HBS1L: variants seen among roughly 807,000 people sequenced by gnomAD.
The protein encoded by HBS1L is HBS1 like translational GTPase.
HBS1L carries 55 observed loss-of-function variants against 88.9 expected under a neutral mutation model. That is an observed-to-expected ratio of 0.62 (90% CI 0.50 to 0.77). The LOEUF (loss-of-function observed/expected upper bound fraction) is 0.77, where lower values mean the gene tolerates loss of function less well. HBS1L is among the 30% of genes least tolerant of loss of function. The pLI is 0.00. For missense variants in HBS1L, 741 were observed against 829.3 expected, an observed-to-expected ratio of 0.89 and a Z score of 1.31; for synonymous variants, 267 against 288.5, an observed-to-expected ratio of 0.93 and a Z score of 0.76.
rs34343700 is a variant in HBS1L at position 135,024,549 on chromosome 6, G to GT, written c.430+15023dup. ...TACTCAGTTTTATACTCTTGGGGGT[G>GT]TTTTTTTTTTTTCTTGGTAGGTTTA... On this transcript the variant is annotated intron_variant, in intron 4 of 17. Transcript: ENST00000367837. Among the ~76,000 whole-genome samples, 76 of 143,642 alleles carry GT rather than the reference G, an allele frequency of 5.3e-4. 1 individual carries two copies. The highest frequency in any genetic ancestry group is 3.7e-3 in the Middle Eastern group (1 of 268). The allele number at this position is 143,642 out of a possible 152,430, so 94.2% of individuals were successfully genotyped here.
intron 4 of HBS1L, chr6:135,027,233 TAACAG>T: frequency 7.8e-6 from 1 of 128,956 alleles, no homozygotes; most frequent in African/African-American, 2.9e-5. Context: ...AAAAAATAGC[TAACAG>T]AAAAGTATTG....
At chr6:134,995,206 C>T (rs1046338441) in intron 7 of HBS1L, among the ~76,000 whole-genome samples, 1 of 151,984 alleles carries the variant, frequency 6.6e-6, no homozygotes, top group Non-Finnish European at 1.5e-5. Flanking sequence ...AATTTGTAAC[C>T]CTAAGGATAT....
intron 9 of HBS1L, 67 bp from the exon 10 acceptor site, chr6:134,986,877 GCAATGAAATAT>G: frequency 1.5e-6 from 1 of 687,716 alleles, no homozygotes; most frequent in African/African-American, 1.9e-5. Context: ...TTAAATTTCT[GCAATGAAATAT>G]AATCAAGACT....
chr6:135,014,134 C>G (rs919909538), intron 4 of HBS1L, among the ~76,000 whole-genome samples: 3 of 151,990 alleles, frequency 2.0e-5, no homozygotes, highest in African/African-American at 7.3e-5. Context: ...GATTTTCTGC[C>G]AAGAAAGAAA....
chr6:135,033,586 C>T (rs1776447739), intron 4 of HBS1L, among the ~76,000 whole-genome samples: 1 of 152,156 alleles, frequency 6.6e-6, no homozygotes, highest in African/African-American at 2.4e-5. Context: ...CCTTCTCTTA[C>T]CACCCTATAA....
intron 4 of HBS1L, among the ~76,000 whole-genome samples, chr6:135,026,170 T>C (rs1200727952): frequency 6.6e-6 from 1 of 152,194 alleles, no homozygotes; most frequent in African/African-American, 2.4e-5. Context: ...AAAAAATAAT[T>C]GTTTAAAAGC....
intron 4 of HBS1L, chr6:135,036,506 T>C (rs1313747233): frequency 7.1e-7 from 1 of 1,405,914 alleles, no homozygotes; most frequent in East Asian, 2.6e-5. Flanking sequence ...CTCTGAAGAC[T>C]TTAATTAAAA....
intron 12 of HBS1L, chr6:134,983,390 G>A (rs949966271): frequency 1.3e-5 from 2 of 152,076 alleles, no homozygotes; most frequent in Non-Finnish European, 2.9e-5. Flanking sequence ...ACTACAGAAA[G>A]GGAATAAACT....
chr6:135,035,460 G>A (rs1472385287), intron 4 of HBS1L, among the ~76,000 whole-genome samples: 1 of 150,150 alleles, frequency 6.7e-6, no homozygotes, highest in African/African-American at 2.5e-5. Flanking sequence ...ATAAGAACAG[G>A]CCGGGTGCAG....
intron 4 of HBS1L, among the ~76,000 whole-genome samples, chr6:135,025,167 C>T (rs572575388): frequency 5.3e-5 from 8 of 152,122 alleles, no homozygotes; most frequent in Admixed American, 4.6e-4. Flanking sequence ...CCCATTTTCC[C>T]GAAAGAGAGC....
chr6:134,987,341 G>A (rs1168332641), intron 9 of HBS1L, among the ~76,000 whole-genome samples: 1 of 151,884 alleles, frequency 6.6e-6, no homozygotes, highest in Non-Finnish European at 1.5e-5. Flanking sequence ...TGGGTGGGAA[G>A]GAGAATTGGT....
chr6:135,037,001 T>G, intron 4 of HBS1L: 1 of 1,551,448 alleles, frequency 6.4e-7, no homozygotes, highest in Non-Finnish European at 8.7e-7. Context: ...TTTGAATCTA[T>G]TCCAGGAGAC....
At chr6:135,045,056 AG>A (rs762519869) in intron 2 of HBS1L, among the ~76,000 whole-genome samples, 7 of 142,690 alleles carry the variant, frequency 4.9e-5, no homozygotes, top group East Asian at 2.2e-4. Flanking sequence ...GGATTTGCAA[AG>A]GGTGGGTGGG....
At chr6:135,018,941 T>A (rs575966566) in intron 4 of HBS1L, among the ~76,000 whole-genome samples, 6 of 152,076 alleles carry the variant, frequency 3.9e-5, no homozygotes, top group African/African-American at 1.4e-4. Context: ...CATTAATTCT[T>A]CTGTCCTAAG....
chr6:135,004,888 G>T (rs533715836), intron 4 of HBS1L, among the ~76,000 whole-genome samples: 1 of 152,294 alleles, frequency 6.6e-6, no homozygotes, highest in Non-Finnish European at 1.5e-5. Flanking sequence ...CCAAGGGAGA[G>T]AGCACAGAGA....
chr6:135,044,961 G>A (rs1441448634), intron 2 of HBS1L, among the ~76,000 whole-genome samples: 1 of 151,974 alleles, frequency 6.6e-6, no homozygotes, highest in Admixed American at 6.6e-5. Flanking sequence ...GGTCGAGGGT[G>A]GTCCTATACG....
At chr6:135,040,979 A>C (rs1196528452) in intron 3 of HBS1L, among the ~76,000 whole-genome samples, 3 of 152,176 alleles carry the variant, frequency 2.0e-5, no homozygotes, top group African/African-American at 7.2e-5. Flanking sequence ...ATTCTAACTT[A>C]ATAAAGATAA....
In HBS1L at chr6:135,039,730, T is replaced by C. The variant is rs1338837243; in HGVS notation, c.273A>G (p.Val91=). The change falls in exon 4 of 18, where the codon GTA becomes GTG. Residue 91 remains valine (V), a synonymous_variant. Transcript: ENST00000367837. ...LYSCLDHMRE[V]LGDAVPDEIL... ...TTTCATCTGGCACAGCATCTCCAAG[T>C]ACCTCTCTCATGTGATCAAGGCATG... The C allele has an allele frequency of 2.5e-6, 4 of 1,613,918 alleles. No individual in the cohort carries two copies. In the South Asian group the frequency reaches 4.4e-5, roughly 18 times the overall value.
chr6:134,973,237 A>T (rs1774542816), intron 15 of HBS1L, among the ~76,000 whole-genome samples: 1 of 152,254 alleles, frequency 6.6e-6, no homozygotes, highest in Admixed American at 6.5e-5. Context: ...GGTGGTATAT[A>T]CATGCAATGG....
Sources: gnomAD v4.1 joint callset for allele counts (sites outside exome capture counted in the v4.1 genomes callset) on GRCh38, gnomAD v4.1.1 for gene constraint, MANE v1.5 for transcripts, NCBI Gene and HGNC (gene_info 2026-07-23, HGNC 2026-07-21) for gene names.